Variants in GNAO1 observed in about 807,000 individuals in gnomAD.
GNAO1 encodes guanine nucleotide-binding protein G(o) subunit alpha.
For missense variants in GNAO1, 166 were observed against 478.7 expected, an observed-to-expected ratio of 0.35 and a Z score of 6.10; for synonymous variants, 164 against 180.7, an observed-to-expected ratio of 0.91 and a Z score of 0.74.
In GNAO1 at chr16:56,192,071, T is replaced by C. The variant is rs2036179961; in HGVS notation, c.-165T>C. 3 of 590,878 alleles carry C rather than the reference T, an allele frequency of 5.1e-6. No homozygotes were observed. Among genetic ancestry groups the C allele is most frequent in the South Asian group, 2.0e-5 (1 of 49,236 alleles). The allele number at this position is 590,878 out of a possible 1,614,324, so 36.6% of individuals were successfully genotyped here. A position where few individuals can be genotyped will look rare whatever the true frequency, so the allele number is the denominator to read the frequency against. ...TGGAATCTTGTTAGCGGCTGTCTTTTTGGAGGGTTCTGGTTTCCCGACATT... is the reference window on the plus strand; with the variant it reads ...TGGAATCTTGTTAGCGGCTGTCTTTCTGGAGGGTTCTGGTTTCCCGACATT... On this transcript the variant is annotated 5_prime_UTR_variant, in exon 1 of 9. Coordinates refer to ENST00000262493, the MANE Select transcript of GNAO1 (RefSeq NM_020988.3).
At chr16:56,208,553 A>G (rs551169793) in intron 2 of GNAO1, among the ~76,000 whole-genome samples, 9 of 152,314 alleles carry the variant, frequency 5.9e-5, no homozygotes, top group Non-Finnish European at 7.3e-5. Context: ...TAGATAATAT[A>G]CAGTGTTTTC....
At chr16:56,256,028 C>T (rs2036843046) in intron 2 of GNAO1, among the ~76,000 whole-genome samples, 1 of 152,174 alleles carries the variant, frequency 6.6e-6, no homozygotes, top group Non-Finnish European at 1.5e-5. Context: ...AGCAGCTGCA[C>T]TTCACTGGGC....
At chr16:56,323,083 G>C (rs2037592721) in intron 3 of GNAO1, among the ~76,000 whole-genome samples, 1 of 152,090 alleles carries the variant, frequency 6.6e-6, no homozygotes, top group Non-Finnish European at 1.5e-5. Context: ...AGATAGGGTG[G>C]GACTGAGACC....
At chr16:56,195,734 T>G (rs1466374374) in intron 2 of GNAO1, among the ~76,000 whole-genome samples, 2 of 152,222 alleles carry the variant, frequency 1.3e-5, no homozygotes, top group African/African-American at 4.8e-5. Context: ...GTCTAATAGC[T>G]CAGCACATTG....
chr16:56,268,211 C>T (rs1244907101), intron 2 of GNAO1, among the ~76,000 whole-genome samples: 1 of 152,236 alleles, frequency 6.6e-6, no homozygotes, highest in African/African-American at 2.4e-5. Flanking sequence ...TTTGGCCAGT[C>T]TTCGTGGCAA....
In GNAO1 at chr16:56,332,970, C is replaced by T. The variant is rs138663285; in HGVS notation, c.465-1759C>T. 2.0e-3 allele frequency among the ~76,000 whole-genome samples: 301 copies of T among 152,270 alleles called. 4 individuals are homozygous for T. In the South Asian group the frequency reaches 0.044, roughly 22 times the overall value. ...AGCCTGCCCAGATGCCACTGGCTGG[C>T]GAGGAGGCTGTGAGGCCGGGGGCGT... On this transcript the variant is annotated intron_variant, in intron 4 of 8. Transcript: ENST00000262493.
chr16:56,230,798 C>A (rs2036582811), intron 2 of GNAO1, among the ~76,000 whole-genome samples: 2 of 152,204 alleles, frequency 1.3e-5, no homozygotes, highest in African/African-American at 4.8e-5. Flanking sequence ...TGAGTTCAGG[C>A]ATGTCCAGAG....
chr16:56,284,200 A>G (rs2037141998), intron 3 of GNAO1, among the ~76,000 whole-genome samples: 2 of 152,250 alleles, frequency 1.3e-5, no homozygotes, highest in Admixed American at 1.3e-4. Flanking sequence ...AAAGATCAAG[A>G]GGCTCCCGGT....
chr16:56,343,630 A>T (rs2037828514), intron 6 of GNAO1: 4 of 641,654 alleles, frequency 6.2e-6, no homozygotes, highest in African/African-American at 1.8e-5. Context: ...GGTCCCCTCC[A>T]TCAGGTTTTC....
At chr16:56,215,526 CAG>C (rs1185235347) in intron 2 of GNAO1, among the ~76,000 whole-genome samples, 2 of 152,154 alleles carry the variant, frequency 1.3e-5, no homozygotes, top group African/African-American at 4.8e-5. Flanking sequence ...TGATATGAAA[CAG>C]TGTAGAAATT....
chr16:56,242,502 C>G (rs2036703016), intron 2 of GNAO1, among the ~76,000 whole-genome samples: 1 of 151,808 alleles, frequency 6.6e-6, no homozygotes, highest in Admixed American at 6.6e-5. Context: ...ATTGAGAGTC[C>G]AGGAATAAAC....
intron 2 of GNAO1, among the ~76,000 whole-genome samples, chr16:56,267,590 G>A (rs56272433): frequency 0.19 from 29,613 of 152,054 alleles, 3,131 homozygotes; most frequent in East Asian, 0.38. Context: ...CACCTGCTCC[G>A]TGGTCACTGC....
intron 2 of GNAO1, chr16:56,235,493 A>G: frequency 2.2e-6 from 1 of 449,150 alleles, no homozygotes; most frequent in Admixed American, 2.4e-5. Flanking sequence ...GGCTCCTGGC[A>G]CCTGCCTGGT....
intron 6 of GNAO1, among the ~76,000 whole-genome samples, chr16:56,337,900 C>G (rs1192372077): frequency 3.3e-5 from 5 of 152,216 alleles, no homozygotes; most frequent in African/African-American, 1.2e-4. Context: ...GGGTCACAGC[C>G]TGGCGTCTGT....
At chr16:56,295,619 C>T (rs1266235434) in intron 3 of GNAO1, among the ~76,000 whole-genome samples, 4 of 152,238 alleles carry the variant, frequency 2.6e-5, no homozygotes, top group African/African-American at 4.8e-5. Context: ...CTGGACTCCT[C>T]CTTCCCCTCC....
chr16:56,277,819 A>ACACG (rs1441437991), intron 3 of GNAO1, among the ~76,000 whole-genome samples: 33 of 139,848 alleles, frequency 2.4e-4, no homozygotes, highest in African/African-American at 8.5e-4. Context: ...ACACACACAC[A>ACACG]CACACACACA....
intron 6 of GNAO1, among the ~76,000 whole-genome samples, chr16:56,337,790 G>A (rs1372915476): frequency 1.3e-5 from 2 of 152,172 alleles, no homozygotes; most frequent in African/African-American, 2.4e-5. Flanking sequence ...TCCACTGCGT[G>A]GTCCCCTTCT....
chr16:56,343,213 G>A (rs2037822698), intron 6 of GNAO1, among the ~76,000 whole-genome samples: 2 of 151,978 alleles, frequency 1.3e-5, no homozygotes, highest in South Asian at 4.1e-4. Context: ...GATTGGCCGG[G>A]CACAATGGCT....
chr16:56,213,172 T>C (rs905023258), intron 2 of GNAO1: 13 of 396,532 alleles, frequency 3.3e-5, no homozygotes, highest in Non-Finnish European at 3.6e-5. Flanking sequence ...TGTTTTCAGA[T>C]ATGTGTAGCC....
Sources: gnomAD v4.1 joint callset for allele counts (sites outside exome capture counted in the v4.1 genomes callset) on GRCh38, gnomAD v4.1.1 for gene constraint, MANE v1.5 for transcripts, NCBI Gene and HGNC (gene_info 2026-07-23, HGNC 2026-07-21) for gene names.